The following MVB12B variants were observed in gnomAD, a reference collection of about 807,000 sequenced individuals.
The protein encoded by MVB12B is multivesicular body subunit 12B, also known as ESCRT-I complex subunit MVB12B.
MVB12B carries 16 observed loss-of-function variants against 41.6 expected under a neutral mutation model. The observed-to-expected ratio is 0.38, with a 90% confidence interval of 0.26 to 0.58. The LOEUF (loss-of-function observed/expected upper bound fraction) is 0.58, where lower values mean the gene tolerates loss of function less well. Ranked by LOEUF, MVB12B falls within the 20% of genes least tolerant of loss-of-function variation. MVB12B has a pLI of 0.62. For synonymous variants in MVB12B, 133 were observed against 139.7 expected, an observed-to-expected ratio of 0.95 and a Z score of 0.34; for missense variants, 274 against 380.2, an observed-to-expected ratio of 0.72 and a Z score of 2.32.
At chr9:126,329,958 C>G (rs1431885842) in intron 1 of MVB12B, among the ~76,000 whole-genome samples, 1 of 139,568 alleles carries the variant, frequency 7.2e-6, no homozygotes, top group Non-Finnish European at 1.6e-5. Flanking sequence ...CTTCTGCTTG[C>G]TGGGCTGCCC....
chr9:126,419,116 C>T (rs1425682959), intron 6 of MVB12B, among the ~76,000 whole-genome samples: 3 of 152,176 alleles, frequency 2.0e-5, no homozygotes, highest in East Asian at 1.9e-4. Flanking sequence ...CTCCTGCCTC[C>T]TCTGTGAGCC....
intron 2 of MVB12B, among the ~76,000 whole-genome samples, chr9:126,371,497 A>AT (rs1272494735): frequency 6.6e-6 from 1 of 152,198 alleles, no homozygotes; most frequent in African/African-American, 2.4e-5. Context: ...TTTGCTGGGA[A>AT]TAGGGACCTG....
chr9:126,387,659 A>G (rs558744667), intron 4 of MVB12B, among the ~76,000 whole-genome samples: 5 of 152,222 alleles, frequency 3.3e-5, no homozygotes, highest in African/African-American at 1.2e-4. Flanking sequence ...GCTTTTTGTC[A>G]TTTATTATTT....
In MVB12B at chr9:126,340,375, A is replaced by G; in HGVS notation, c.82-133A>G. The G allele has an allele frequency of 1.1e-6, 1 of 903,052 alleles. No individual in the cohort carries two copies. The highest frequency in any genetic ancestry group is 1.7e-6 in the Non-Finnish European group (1 of 587,598). 55.9% of individuals were successfully genotyped at this position (903,052 alleles called of 1,614,324 possible). A position where few individuals can be genotyped will look rare whatever the true frequency, so the allele number is the denominator to read the frequency against. ...GGGGAAAGGGTCACATAGGGTCAGG[A>G]CTCATTCAACCAGTACAGGTATGTG... is the stretch of plus-strand genomic sequence containing the variant. On this transcript the variant is annotated intron_variant, in intron 1 of 9. Coordinates refer to ENST00000361171, the MANE Select transcript of MVB12B (RefSeq NM_033446.3). This position sits in a 1 kb window ranked among gnomAD's most constrained non-coding sequence, Gnocchi z 4.0.
chr9:126,468,408 G>A lies in MVB12B; in HGVS notation c.758-12961G>A, dbSNP rs941892261. ...CCCTCAAACCAGACACATGCTCAGC[G>A]GGACCCACGAGTTCATCTCTGCTGC... On this transcript the variant is annotated intron_variant, in intron 7 of 9. Transcript: ENST00000361171. The surrounding 1 kb of genome is among the most constrained non-coding windows in gnomAD (Gnocchi z 4.3). Among the ~76,000 whole-genome samples, 7 of 152,224 alleles carry A rather than the reference G, an allele frequency of 4.6e-5. No homozygotes were observed. The highest frequency in any genetic ancestry group is 3.9e-4 in the East Asian group (2 of 5,178).
intron 6 of MVB12B, among the ~76,000 whole-genome samples, chr9:126,420,984 G>C (rs767588192): frequency 6.6e-6 from 1 of 152,118 alleles, no homozygotes; most frequent in African/African-American, 2.4e-5. Context: ...TCCGGGTGTG[G>C]CCACAGGTTA....
At chr9:126,442,350 A>G (rs1465828414) in intron 7 of MVB12B, among the ~76,000 whole-genome samples, 4 of 152,140 alleles carry the variant, frequency 2.6e-5, no homozygotes, top group Non-Finnish European at 5.9e-5. Flanking sequence ...AAAGCCATGT[A>G]CTCATGGTGG....
chr9:126,356,142 T>G (rs1829874362), intron 2 of MVB12B, among the ~76,000 whole-genome samples: 1 of 152,226 alleles, frequency 6.6e-6, no homozygotes. Flanking sequence ...CCTTCTCCTC[T>G]TTTTCAAAAT....
chr9:126,408,214 G>T (rs367989413), intron 6 of MVB12B: 1 of 152,162 alleles, frequency 6.6e-6, no homozygotes, highest in South Asian at 2.1e-4. Flanking sequence ...ATGGTTGTGC[G>T]GCAGCAGTGT....
Position 126,503,390 on chromosome 9 carries a change from C to T in MVB12B, c.*127C>T, listed in dbSNP as rs1012569151. ...CCACACTGCCCCAGCAGGGCTGGCC[C>T]GGAGACTGGGCAGCTAAGTGGGCGC... is the stretch of plus-strand genomic sequence containing the variant. On this transcript the variant is annotated 3_prime_UTR_variant, in exon 10 of 10. Transcript: ENST00000361171. 1.2e-5 allele frequency: 9 copies of T among 761,146 alleles called. No homozygotes were observed. Among genetic ancestry groups the T allele is most frequent in the South Asian group, 1.8e-5 (1 of 55,412 alleles). The allele number at this position is 761,146 out of a possible 1,614,324, so 47.1% of individuals were successfully genotyped here.
At chr9:126,427,627 A>AAAAAATTTGACATAGT (rs2119106346) in intron 7 of MVB12B, among the ~76,000 whole-genome samples, 1 of 152,290 alleles carries the variant, frequency 6.6e-6, no homozygotes, top group Admixed American at 6.5e-5. Flanking sequence ...TCTCTTTTGA[A>AAAAAATTTGACATAGT]AAAAAATTGA....
At chr9:126,482,805 A>G (rs1833553129) in intron 8 of MVB12B, among the ~76,000 whole-genome samples, 1 of 152,090 alleles carries the variant, frequency 6.6e-6, no homozygotes, top group Non-Finnish European at 1.5e-5. Flanking sequence ...GGGCGCTGCC[A>G]CCTCGGCCAG....
chr9:126,429,411 C>A (rs368050867), intron 7 of MVB12B, among the ~76,000 whole-genome samples: 2 of 152,178 alleles, frequency 1.3e-5, no homozygotes, highest in Non-Finnish European at 2.9e-5. Context: ...GTCAGGCGCA[C>A]GCACACTGCC....
At chr9:126,332,582 T>C (rs1829158912) in intron 1 of MVB12B, among the ~76,000 whole-genome samples, 1 of 152,198 alleles carries the variant, frequency 6.6e-6, no homozygotes, top group Non-Finnish European at 1.5e-5. Context: ...GGCTCACCCC[T>C]GGGGTCATGG....
At chr9:126,433,947 G>A (rs574971009) in intron 7 of MVB12B, among the ~76,000 whole-genome samples, 4 of 152,244 alleles carry the variant, frequency 2.6e-5, no homozygotes, top group Admixed American at 1.3e-4. Context: ...GGATACATGC[G>A]GTGCCAGAAC....
At chr9:126,429,965 T>TA (rs1168921285) in intron 7 of MVB12B, among the ~76,000 whole-genome samples, 3 of 152,164 alleles carry the variant, frequency 2.0e-5, no homozygotes, top group African/African-American at 7.2e-5. Flanking sequence ...AGCTGAGTGT[T>TA]AAGCGTGGGA....
intron 7 of MVB12B, among the ~76,000 whole-genome samples, chr9:126,444,566 G>C (rs894704042): frequency 6.6e-6 from 1 of 152,106 alleles, no homozygotes; most frequent in Non-Finnish European, 1.5e-5. Context: ...AGCTCCTCTT[G>C]CAACAAGGCC....
rs565843409 is a variant in MVB12B, at chr9:126,395,604, G to T, written c.569G>T (p.Arg190Leu). ...GELNSMGIWY[R>L]MGRVPRNHDS... Reference sequence around the variant, plus strand: ...CTGAACAGCATGGGGATCTGGTATCGAATGGGCAGAGTACCAAGAAATCAT... The same window carrying T: ...CTGAACAGCATGGGGATCTGGTATCTAATGGGCAGAGTACCAAGAAATCAT... Residue 190 changes from arginine to leucine, a missense_variant, in exon 6 of 10, where the codon CGA becomes CTA. Physicochemically the swap from Arg to Leu is moderately radical, Grantham distance 102 (BLOSUM62 -2). Transcript: ENST00000361171. This position sits in a 1 kb window ranked among gnomAD's most constrained non-coding sequence, Gnocchi z 4.9. 6.2e-7 allele frequency: 1 copy of T among 1,614,122 alleles called. No individual in the cohort carries two copies. Among genetic ancestry groups the T allele is most frequent in the African/African-American group, 1.3e-5 (1 of 75,018 alleles).
chr9:126,427,766 C>T (rs761396991), intron 7 of MVB12B, among the ~76,000 whole-genome samples: 19 of 152,152 alleles, frequency 1.2e-4, no homozygotes, highest in African/African-American at 2.9e-4. Flanking sequence ...CAGTGAGCTG[C>T]GGGGCTAGGA....
Sources: allele counts gnomAD v4.1 joint callset (sites outside exome capture counted in the v4.1 genomes callset), GRCh38; gene constraint gnomAD v4.1.1; non-coding constraint Gnocchi (gnomAD v3.1); transcripts MANE v1.5; gene names NCBI Gene and HGNC (gene_info 2026-07-23, HGNC 2026-07-21).